Variants in TMEM132B observed in about 807,000 individuals in gnomAD.
TMEM132B encodes the protein transmembrane protein 132B.
TMEM132B carries 18 observed loss-of-function variants against 90.8 expected under a neutral mutation model. The observed-to-expected ratio is 0.20, with a 90% CI of 0.14 to 0.29. TMEM132B has a LOEUF of 0.29. Ranked by LOEUF, TMEM132B falls within the 10% of genes least tolerant of loss-of-function variation. TMEM132B has a pLI of 1.00. For synonymous variants in TMEM132B, 504 were observed against 523.3 expected (o/e 0.96, Z 0.50); for missense variants, 1,096 against 1,326.8 (o/e 0.83, Z 2.70).
intron 2 of TMEM132B, among the ~76,000 whole-genome samples, chr12:125,404,559 T>G (rs1408412431): frequency 6.6e-6 from 1 of 152,210 alleles, no homozygotes; most frequent in African/African-American, 2.4e-5. Context: ...GATCCACGTC[T>G]TTGTTCCAGG....
intron 1 of TMEM132B, among the ~76,000 whole-genome samples, chr12:125,329,486 C>T (rs1876699005): frequency 6.6e-6 from 1 of 152,208 alleles, no homozygotes; most frequent in African/African-American, 2.4e-5. Context: ...ACTTTCTAGC[C>T]CAAGCCTCCT....
chr12:125,299,161 T>C (rs1875748981), intron 1 of TMEM132B, among the ~76,000 whole-genome samples: 1 of 152,174 alleles, frequency 6.6e-6, no homozygotes, highest in Non-Finnish European at 1.5e-5. Context: ...CTGCCATCCA[T>C]TCTTTTACCT....
chr12:125,574,465 A>C (rs776238618), intron 4 of TMEM132B, among the ~76,000 whole-genome samples: 1 of 152,146 alleles, frequency 6.6e-6, no homozygotes, highest in Non-Finnish European at 1.5e-5. Context: ...AAAACAAGGT[A>C]CTTTAAGGCA....
chr12:125,337,905 C>T (rs967547392), intron 1 of TMEM132B, among the ~76,000 whole-genome samples: 2 of 152,200 alleles, frequency 1.3e-5, no homozygotes, highest in Admixed American at 6.5e-5. Context: ...TCCGCCACTT[C>T]TAGCCATTTC....
At chr12:125,432,511 G>GTGTGTATATATA (rs1555248848) in intron 3 of TMEM132B, among the ~76,000 whole-genome samples, 2 of 18,556 alleles carry the variant, frequency 1.1e-4, no homozygotes, top group African/African-American at 6.4e-4. Context: ...ATGTGTGTGT[G>GTGTGTATATATA]TATATATATA....
intron 1 of TMEM132B, among the ~76,000 whole-genome samples, chr12:125,311,264 G>A (rs12423996): frequency 0.084 from 12,849 of 152,140 alleles, 613 homozygotes; most frequent in Non-Finnish European, 0.1. Context: ...TTACAAGAGC[G>A]GTGCCATTTT....
At chr12:125,612,466 AAAAT>A (rs1212834410) in intron 5 of TMEM132B, among the ~76,000 whole-genome samples, 2 of 151,118 alleles carry the variant, frequency 1.3e-5, no homozygotes, top group Admixed American at 6.6e-5. Context: ...CTCCATATCA[AAAAT>A]AAATAAATAA....
At chr12:125,457,235 G>T (rs115303416) in intron 3 of TMEM132B, among the ~76,000 whole-genome samples, 2 of 152,176 alleles carry the variant, frequency 1.3e-5, no homozygotes, top group Non-Finnish European at 2.9e-5. Flanking sequence ...CACCTCCTTC[G>T]CAGGGATTCC....
At chr12:125,472,708 T>C (rs1336839767) in intron 3 of TMEM132B, among the ~76,000 whole-genome samples, 2 of 152,150 alleles carry the variant, frequency 1.3e-5, no homozygotes, top group African/African-American at 4.8e-5. Context: ...CTAAGGGAGC[T>C]TGTTCACCCC....
chr12:125,433,586 TG>T lies in TMEM132B; in HGVS notation c.1106+17910del, dbSNP rs1336181470. On this transcript the variant is annotated intron_variant, in intron 3 of 8. Transcript: ENST00000682704. The stretch of plus-strand genomic sequence containing the variant: ...GCACATTGTGCAGGTTAGTTACATA[TG>T]TATACATGTGCCATGCTGGTGAGCT... Among the ~76,000 whole-genome samples the T allele has an allele frequency of 2.6e-5, 4 of 151,236 alleles. No individual in the cohort carries two copies. The East Asian group carries it at 7.8e-4, about 30-fold the overall frequency.
chr12:125,194,840 G>C (rs1346780364), intron 1 of TMEM132B, among the ~76,000 whole-genome samples: 2 of 151,908 alleles, frequency 1.3e-5, no homozygotes, highest in Admixed American at 6.6e-5. Flanking sequence ...TATTTTGCTA[G>C]AAAACTTGTC....
intron 6 of TMEM132B, among the ~76,000 whole-genome samples, chr12:125,647,256 C>T (rs1227499432): frequency 2.6e-5 from 4 of 151,930 alleles, no homozygotes; most frequent in Non-Finnish European, 4.4e-5. Context: ...AATTAGAATC[C>T]GAGAACAAGA....
Position 125,519,552 on chromosome 12 carries a change from C to T in TMEM132B, c.1220C>T (p.Ser407Phe). ...CAGGTGGAGTACCCGATTGAGGACTCCATGAGTGAGCTGGTCGTCTCCGAG... is the reference window on the plus strand; with the variant it reads ...CAGGTGGAGTACCCGATTGAGGACTTCATGAGTGAGCTGGTCGTCTCCGAG... ...TWQVEYPIED[S>F]MSELVVSEIF... Residue 407 changes from serine (S) to phenylalanine (F), a missense_variant, in exon 4 of 9, where the codon TCC becomes TTC. Transcript: ENST00000682704. 1 of 1,614,128 alleles carries T rather than the reference C, an allele frequency of 6.2e-7. No homozygotes were observed. The highest frequency in any genetic ancestry group is 1.1e-5 in the South Asian group (1 of 91,064).
chr12:125,373,611 T>C (rs1878374104), intron 2 of TMEM132B, among the ~76,000 whole-genome samples: 1 of 152,156 alleles, frequency 6.6e-6, no homozygotes, highest in South Asian at 2.1e-4. Flanking sequence ...CAGCTTCCTT[T>C]AGCTTCCGTT....
intron 1 of TMEM132B, among the ~76,000 whole-genome samples, chr12:125,324,310 G>A (rs1876502657): frequency 6.6e-6 from 1 of 152,098 alleles, no homozygotes; most frequent in African/African-American, 2.4e-5. Flanking sequence ...AAAACAAGGT[G>A]GTCTGCACCA....
At chr12:125,249,093 G>T (rs889307151) in intron 1 of TMEM132B, among the ~76,000 whole-genome samples, 18 of 152,186 alleles carry the variant, frequency 1.2e-4, no homozygotes, top group African/African-American at 4.3e-4. Flanking sequence ...GGTGACTTGG[G>T]ATCGGTAAGA....
chr12:125,608,121 G>C (rs1407081678), intron 5 of TMEM132B, among the ~76,000 whole-genome samples: 1 of 152,106 alleles, frequency 6.6e-6, no homozygotes, highest in African/African-American at 2.4e-5. Context: ...TGGAATTTCT[G>C]GGTCATTTGG....
At chr12:125,594,626 C>G (rs1037333173) in intron 5 of TMEM132B, among the ~76,000 whole-genome samples, 3 of 152,072 alleles carry the variant, frequency 2.0e-5, no homozygotes, top group Non-Finnish European at 2.9e-5. Flanking sequence ...ATATCCCTAG[C>G]GATTACTGAT....
chr12:125,358,004 C>T (rs533503393), intron 2 of TMEM132B, among the ~76,000 whole-genome samples: 51 of 152,284 alleles, frequency 3.3e-4, no homozygotes, highest in African/African-American at 1.2e-3. Flanking sequence ...GCTGCCAGCT[C>T]TATGTAGTGG....
Sources: allele counts gnomAD v4.1 joint callset (sites outside exome capture counted in the v4.1 genomes callset), GRCh38; gene constraint gnomAD v4.1.1; transcripts MANE v1.5; gene names NCBI Gene and HGNC (gene_info 2026-07-23, HGNC 2026-07-21).